The following AKAP13 variants were observed in gnomAD, a reference collection of about 807,000 sequenced individuals.
The protein encoded by AKAP13 is A-kinase anchor protein 13.
In AKAP13, 80 loss-of-function variants were observed where a neutral mutation model predicts 264.5. The observed-to-expected ratio is 0.30, with a 90% CI of 0.25 to 0.36. AKAP13 has a LOEUF of 0.36. Among genes scored for constraint, AKAP13 ranks in the 10% least tolerant of loss-of-function variants. The pLI is 1.00. For missense variants in AKAP13, 3,712 were observed against 3,435.2 expected (o/e 1.08, Z -2.01); for synonymous variants, 1,380 against 1,250.2 (o/e 1.10, Z -2.19).
chr15:85,735,939 G>T, intron 32 of AKAP13, 151 bp from the exon 33 acceptor site: 1 of 734,728 alleles, frequency 1.4e-6, no homozygotes, highest in Non-Finnish European at 2.3e-6. Flanking sequence ...CAAGGTATCA[G>T]TGATAAATAG....
At chr15:85,508,913 G>T (rs1289248979) in intron 2 of AKAP13, among the ~76,000 whole-genome samples, 1 of 151,968 alleles carries the variant, frequency 6.6e-6, no homozygotes, top group East Asian at 1.9e-4. Context: ...GCCTTCCTTG[G>T]AGGAGCTTTT....
At chr15:85,420,184 G>T (rs576905454) in intron 1 of AKAP13, among the ~76,000 whole-genome samples, 1 of 151,092 alleles carries the variant, frequency 6.6e-6, no homozygotes, top group Non-Finnish European at 1.5e-5. Flanking sequence ...CTCGTGATCC[G>T]CCCGCCTCGG....
intron 1 of AKAP13, among the ~76,000 whole-genome samples, 184 bp from the exon 2 acceptor site, chr15:85,485,526 A>G (rs180875906): frequency 3.5e-4 from 54 of 152,278 alleles, no homozygotes; most frequent in Admixed American, 2.4e-3. Context: ...TGAGTCTGGG[A>G]TCAATTCCTG....
chr15:85,550,861 A>T (rs770152441), intron 5 of AKAP13, among the ~76,000 whole-genome samples: 19 of 152,204 alleles, frequency 1.2e-4, no homozygotes, highest in Non-Finnish European at 2.6e-4. Context: ...AGGTTGTAGA[A>T]CTGAGTGGAA....
chr15:85,603,907 C>T (rs1363261699), intron 8 of AKAP13, among the ~76,000 whole-genome samples: 1 of 152,208 alleles, frequency 6.6e-6, no homozygotes, highest in African/African-American at 2.4e-5. Context: ...TCACTAAGTA[C>T]TGCACTGGGA....
At chr15:85,498,226 A>ATATATATATATATATATATATC (rs1567088692) in intron 2 of AKAP13, among the ~76,000 whole-genome samples, 1 of 130,400 alleles carries the variant, frequency 7.7e-6, no homozygotes, top group African/African-American at 2.9e-5. Context: ...ATATATATAT[A>ATATATATATATATATATATATC]TCACATTGAG....
chr15:85,635,267 C>T (rs1031111990), intron 8 of AKAP13, among the ~76,000 whole-genome samples: 1 of 152,160 alleles, frequency 6.6e-6, no homozygotes, highest in Non-Finnish European at 1.5e-5. Context: ...TAATGGATGT[C>T]TGCTGCTATG....
intron 1 of AKAP13, among the ~76,000 whole-genome samples, chr15:85,442,498 TTATATTATATATAATATATATTATATTA>T (rs2073724179): frequency 9.3e-6 from 1 of 107,534 alleles, no homozygotes; most frequent in Non-Finnish European, 1.9e-5. Context: ...ATAATATATA[TTATATTATATATAATATATATTATATTA>T]TATATAATAT....
At chr15:85,406,780 T>G (rs1187427705) in intron 1 of AKAP13, among the ~76,000 whole-genome samples, 1 of 151,762 alleles carries the variant, frequency 6.6e-6, no homozygotes, top group Admixed American at 6.6e-5. Flanking sequence ...TCATAACATT[T>G]TGTGTTAGGA....
At chr15:85,387,039 T>G (rs2070600743) in intron 1 of AKAP13, among the ~76,000 whole-genome samples, 2 of 152,248 alleles carry the variant, frequency 1.3e-5, no homozygotes, top group South Asian at 4.1e-4. Flanking sequence ...TTTTTCTTTT[T>G]TAAGATGAGG....
At chr15:85,577,591 T>A (rs994295249) in intron 6 of AKAP13, among the ~76,000 whole-genome samples, 2 of 152,210 alleles carry the variant, frequency 1.3e-5, no homozygotes, top group African/African-American at 4.8e-5. Flanking sequence ...TGAACCTTGA[T>A]TTTCTTAATC....
chr15:85,693,249 CTG>C, intron 16 of AKAP13, 26 bp from the exon 17 acceptor site: 3 of 1,575,896 alleles, frequency 1.9e-6, no homozygotes, highest in Non-Finnish European at 8.6e-7. Context: ...GTTCAATTAA[CTG>C]TGGATTATTT....
At chr15:85,615,837 T>A (rs1256106546) in intron 8 of AKAP13, among the ~76,000 whole-genome samples, 5 of 152,218 alleles carry the variant, frequency 3.3e-5, no homozygotes, top group African/African-American at 1.2e-4. Context: ...TATATAATAT[T>A]AGAGCAAGAA....
At position 85,730,631 on chromosome 15, in the gene AKAP13, C is replaced by A; in HGVS notation, c.7206C>A (p.Ser2402Arg). 6.2e-7 allele frequency: 1 copy of A among 1,614,158 alleles called. No homozygotes were observed. Among genetic ancestry groups the A allele is most frequent in the Non-Finnish European group, 8.5e-7 (1 of 1,180,026 alleles). Residue 2402 changes from serine to arginine, a missense_variant, in exon 30 of 37, where the codon AGC (serine) becomes AGA (arginine). By Grantham distance (110) the Ser-to-Arg change is moderately radical (BLOSUM62 -1). Transcript: ENST00000394518. ...CAGAGGATTGCTCCCCAACACATAGCCCTAGAGTTCTCTTCCGCTCCAACA... is the reference window on the plus strand; with the variant it reads ...CAGAGGATTGCTCCCCAACACATAGACCTAGAGTTCTCTTCCGCTCCAACA... ...PLPEDCSPTHSPRVLFRSNTE... is the reference protein window; with the variant it reads ...PLPEDCSPTHRPRVLFRSNTE...
At chr15:85,735,307 T>G (rs957164020) in intron 31 of AKAP13, among the ~76,000 whole-genome samples, 157 bp downstream of exon 31, 2 of 152,242 alleles carry the variant, frequency 1.3e-5, no homozygotes, top group Non-Finnish European at 2.9e-5. Context: ...CAGACTCATA[T>G]TCATTTTGAG....
rs2078966626 is a variant in AKAP13 at position 85,575,304 on chromosome 15, T to G, written c.836T>G (p.Leu279Arg). 1 of 1,614,176 alleles carries G rather than the reference T, an allele frequency of 6.2e-7. No homozygotes were observed. Among genetic ancestry groups the G allele is most frequent in the African/African-American group, 1.3e-5 (1 of 75,030 alleles). Residue 279 changes from leucine (L) to arginine (R), a missense_variant, in exon 6 of 37, where the codon CTT becomes CGT. By Grantham distance (102) the Leu-to-Arg change is moderately radical. Coordinates refer to ENST00000394518, the MANE Select transcript of AKAP13 (RefSeq NM_007200.5). ...GGTTGCACTGGACCAATTTTTAAAC[T>G]TATGAACATCCAACAGCAACTAATG... ...GDGCTGPIFKLMNIQQQLMKT... is the reference protein window; with the variant it reads ...GDGCTGPIFKRMNIQQQLMKT...
chr15:85,618,901 G>A (rs901487999), intron 8 of AKAP13, among the ~76,000 whole-genome samples: 2 of 151,944 alleles, frequency 1.3e-5, no homozygotes, highest in African/African-American at 2.4e-5. Flanking sequence ...TTATAGCCAC[G>A]TCTCGATCCT....
chr15:85,560,623 T>C (rs922660753), intron 5 of AKAP13, among the ~76,000 whole-genome samples: 3 of 152,060 alleles, frequency 2.0e-5, no homozygotes, highest in Non-Finnish European at 4.4e-5. Context: ...TATTTTTATC[T>C]ATTTCTATGG....
chr15:85,525,122 G>A (rs1454398293), intron 3 of AKAP13, among the ~76,000 whole-genome samples: 12 of 147,546 alleles, frequency 8.1e-5, no homozygotes, highest in South Asian at 2.1e-4. Flanking sequence ...GCAGTGGCGC[G>A]ATCTCGGCTC....
Sources: allele counts gnomAD v4.1 joint callset (sites outside exome capture counted in the v4.1 genomes callset), GRCh38; gene constraint gnomAD v4.1.1; transcripts MANE v1.5; gene names NCBI Gene and HGNC (gene_info 2026-07-23, HGNC 2026-07-21).